Variants in CBLIF observed in about 807,000 individuals in gnomAD.
CBLIF encodes the protein gastric intrinsic factor (vitamin B synthesis).
A neutral mutation model predicts 44.9 loss-of-function variants in CBLIF; 24 were observed. The ratio of observed to expected loss-of-function variants is 0.53; its 90% CI spans 0.39 to 0.75. The LOEUF (loss-of-function observed/expected upper bound fraction) is 0.75. CBLIF is among the 30% of genes least tolerant of loss of function. CBLIF has a pLI of 0.00. For missense variants in CBLIF, 481 were observed against 513.0 expected (o/e 0.94, Z 0.60); for synonymous variants, 183 against 190.9 (o/e 0.96, Z 0.34).
At position 59,829,527 on chromosome 11, in the gene CBLIF, G is replaced by C. The variant is rs1460997213; in HGVS notation, c.1211C>G (p.Pro404Arg). Residue 404 changes from proline to arginine, a missense_variant, in exon 9 of 9, where the codon CCC (proline) becomes CGC (arginine). Physicochemically the swap from Pro to Arg is moderately radical, Grantham distance 103 (BLOSUM62 -2). Coordinates refer to ENST00000257248, the MANE Select transcript of CBLIF (RefSeq NM_005142.3). ...GGCTGTGATGTGCTCGTGGTTGAAG[G>C]GTATGTAGTCAGCAACCCCTGGAAA... ...PLNEGVADYI[P>R]FNHEHITANF... 1.9e-6 allele frequency: 3 copies of C among 1,609,744 alleles called. No individual in the cohort carries two copies. Among genetic ancestry groups the C allele is most frequent in the Non-Finnish European group, 8.5e-7 (1 of 1,176,174 alleles).
Position 59,837,178 on chromosome 11 carries a change from A to T in CBLIF, c.867T>A (p.Ser289Arg), listed in dbSNP as rs1866466555. 1 of 1,611,948 alleles carries T rather than the reference A, an allele frequency of 6.2e-7. No homozygotes were observed. The highest frequency in any genetic ancestry group is 8.5e-7 in the Non-Finnish European group (1 of 1,178,112). ...TYLDVPQVTCSPDHEVQPTLP... is the reference protein window; with the variant it reads ...TYLDVPQVTCRPDHEVQPTLP... ...AAGGAGAGGTGGATGTCTTACCAGG[A>T]CTACAAGTGACCTGGGGCACATCTA... Residue 289 changes from serine to arginine, a missense_variant, in exon 6 of 9, where the codon AGT becomes AGA. Physicochemically the swap from Ser to Arg is moderately radical, Grantham distance 110. Coordinates refer to ENST00000257248, the MANE Select transcript of CBLIF (RefSeq NM_005142.3).
At chr11:59,832,368 A>G (rs1383371493) in intron 7 of CBLIF, among the ~76,000 whole-genome samples, 1 of 152,172 alleles carries the variant, frequency 6.6e-6, no homozygotes, top group African/African-American at 2.4e-5. Flanking sequence ...AGAAATAACT[A>G]ATGGGTAGTA....
chr11:59,829,915 A>C (rs1866347336), intron 8 of CBLIF, among the ~76,000 whole-genome samples: 2 of 152,236 alleles, frequency 1.3e-5, no homozygotes, highest in African/African-American at 2.4e-5. Flanking sequence ...ATAATTGTGC[A>C]ATAAGTGGTG....
rs2135096864 is a variant in CBLIF at position 59,843,928 on chromosome 11, C to T, written c.207G>A (p.Leu69=). 6.2e-7 allele frequency: 1 copy of T among 1,613,792 alleles called. No individual in the cohort carries two copies. Among genetic ancestry groups the T allele is most frequent in the Non-Finnish European group, 8.5e-7 (1 of 1,179,798 alleles). Residue 69 remains leucine (L), a synonymous_variant, in exon 2 of 9, where the codon TTG becomes TTA. Coordinates refer to ENST00000257248, the MANE Select transcript of CBLIF (RefSeq NM_005142.3). ...IAMNLAGAYN[L]KAQKLLTYQL... is the part of the protein sequence containing the mutation. ...GGTAAGTCAGGAGCTTCTGGGCCTT[C>T]AAGTTGTAGGCTCCGGCCAGATTCA...
At chr11:59,838,125 G>A (rs1303127820) in intron 5 of CBLIF, among the ~76,000 whole-genome samples, 1 of 152,024 alleles carries the variant, frequency 6.6e-6, no homozygotes, top group Non-Finnish European at 1.5e-5. Flanking sequence ...ACCTAATTCA[G>A]CCCTAGACTT....
At position 59,835,937 on chromosome 11, in the gene CBLIF, A is replaced by G. The variant is rs368702814; in HGVS notation, c.944T>C (p.Ile315Thr). Residue 315 changes from isoleucine (I) to threonine (T), a missense_variant, in exon 7 of 9, where the codon ATA (isoleucine) becomes ACA (threonine). Coordinates refer to ENST00000257248, the MANE Select transcript of CBLIF (RefSeq NM_005142.3). ...GPTSASNITV[I>T]YTINNQLRGV... is the part of the protein sequence containing the mutation. ...CCTCAGCTGGTTATTTATGGTGTAT[A>G]TGACAGTGATGTTAGATGCAGAGGT... 52 of 1,613,984 alleles carry G rather than the reference A, an allele frequency of 3.2e-5. No homozygotes were observed. Among genetic ancestry groups the G allele is most frequent in the Non-Finnish European group, 7.6e-6 (9 of 1,179,956 alleles).
chr11:59,843,207 T>C, intron 2 of CBLIF, 66 bp from the exon 3 acceptor site: 1 of 914,296 alleles, frequency 1.1e-6, no homozygotes, highest in South Asian at 1.3e-5. Flanking sequence ...CAGGAGCCAG[T>C]GATGAGTTCT....
chr11:59,831,573 T>G, intron 8 of CBLIF, 105 bp downstream of exon 8: 2 of 701,858 alleles, frequency 2.8e-6, no homozygotes, highest in South Asian at 3.1e-5. Context: ...CATGATCTCA[T>G]AATTATTAAT....
chr11:59,841,009 G>A, intron 5 of CBLIF, 134 bp downstream of exon 5: 1 of 766,000 alleles, frequency 1.3e-6, no homozygotes, highest in Non-Finnish European at 2.4e-6. Flanking sequence ...CTGAGGCCCA[G>A]GCACCACAAA....
At chr11:59,833,017 A>G (rs1866391428) in intron 7 of CBLIF, among the ~76,000 whole-genome samples, 1 of 152,246 alleles carries the variant, frequency 6.6e-6, no homozygotes, top group African/African-American at 2.4e-5. Flanking sequence ...TAATATGCAT[A>G]GAAAAAAACC....
chr11:59,833,375 G>A (rs1014785787), intron 7 of CBLIF, among the ~76,000 whole-genome samples: 9 of 152,028 alleles, frequency 5.9e-5, no homozygotes, highest in Non-Finnish European at 1.2e-4. Flanking sequence ...AAATTAGCAG[G>A]GCATCGTGGC....
In CBLIF at chr11:59,845,241, A is replaced by G. The variant is rs766575023; in HGVS notation, c.79+134T>C. The stretch of plus-strand genomic sequence containing the variant: ...TTAAGTCAGGAAGGATGAACAGCAC[A>G]CAATCACACTCAGACTTACCCATTT... On this transcript the variant is annotated intron_variant, in intron 1 of 8. Transcript: ENST00000257248. 15 of 1,283,002 alleles carry G rather than the reference A, an allele frequency of 1.2e-5. No individual in the cohort carries two copies. In the South Asian group the frequency reaches 1.8e-4, roughly 16 times the overall value. The allele number at this position is 1,283,002 out of a possible 1,614,324, so 79.5% of individuals were successfully genotyped here. A position where few individuals can be genotyped will look rare whatever the true frequency, so the allele number is the denominator to read the frequency against.
intron 8 of CBLIF, among the ~76,000 whole-genome samples, chr11:59,830,719 A>G (rs1866362980): frequency 6.6e-6 from 1 of 152,190 alleles, no homozygotes; most frequent in African/African-American, 2.4e-5. Context: ...TAAGTATATT[A>G]TTTCCAATCC....
intron 8 of CBLIF, among the ~76,000 whole-genome samples, chr11:59,830,067 T>A (rs1485751848): frequency 1.3e-5 from 2 of 152,088 alleles, no homozygotes; most frequent in Non-Finnish European, 2.9e-5. Context: ...AGATAGATGA[T>A]GGCAATATCT....
chr11:59,837,121 C>G lies in CBLIF; in HGVS notation c.871+53G>C, dbSNP rs1866466015. 1.8e-5 allele frequency: 25 copies of G among 1,354,868 alleles called. No individual in the cohort carries two copies. In the East Asian group the frequency reaches 5.5e-4, roughly 30 times the overall value. The allele number at this position is 1,354,868 out of a possible 1,614,324, so 83.9% of individuals were successfully genotyped here. A position where few individuals can be genotyped will look rare whatever the true frequency, so the allele number is the denominator to read the frequency against. On this transcript the variant is annotated intron_variant, in intron 6 of 8. Coordinates refer to ENST00000257248, the MANE Select transcript of CBLIF (RefSeq NM_005142.3). ...TGCCACTTAACATTGATCCACATGT[C>G]ATTTCTGGCATAAGTTGCTGCTTTA...
intron 5 of CBLIF, 186 bp downstream of exon 5, chr11:59,840,957 A>G: frequency 1.6e-6 from 1 of 627,784 alleles, no homozygotes; most frequent in East Asian, 2.8e-5. Flanking sequence ...CATAGGAGGT[A>G]GGGAGGAATT....
chr11:59,837,061 G>T, intron 6 of CBLIF, 113 bp downstream of exon 6: 2 of 843,164 alleles, frequency 2.4e-6, no homozygotes, highest in Non-Finnish European at 4.1e-6. Context: ...GATGTACTCT[G>T]CCCACATGGG....
rs1181186603 is a variant in CBLIF, at chr11:59,845,385, C to A, written c.69G>T (p.Gln23His). ...WATAGTSTQT[Q>H]SSCSVPSAQE... is the part of the protein sequence containing the mutation. ...AAACATCATACTCACAGCATGAACT[C>A]TGGGTCTGGGTACTAGTCCCAGCTG... Residue 23 changes from glutamine (Q) to histidine (H), a missense_variant, in exon 1 of 9, where the codon CAG becomes CAT. Gln to His is a conservative substitution (Grantham distance 24). Transcript: ENST00000257248. 3.7e-6 allele frequency: 6 copies of A among 1,611,874 alleles called. No individual in the cohort carries two copies. The highest frequency in any genetic ancestry group is 5.1e-6 in the Non-Finnish European group (6 of 1,178,136).
chr11:59,831,718 T>G lies in CBLIF; in HGVS notation c.1152A>C (p.Thr384=), dbSNP rs1866376808. The stretch of plus-strand genomic sequence containing the variant: ...TTACACCACTAAGAAACTGCCAGTA[T>G]GTCTTGTGATTAACATTTTCCGCGA... ...NNIAENVNHK[T]YWQFLSGVTP... Residue 384 remains threonine, a synonymous_variant, in exon 8 of 9, where the codon ACA becomes ACC. Coordinates refer to ENST00000257248, the MANE Select transcript of CBLIF (RefSeq NM_005142.3). The G allele has an allele frequency of 6.3e-7, 1 of 1,597,542 alleles. No individual in the cohort carries two copies. The highest frequency in any genetic ancestry group is 8.6e-7 in the Non-Finnish European group (1 of 1,165,000).
Sources: allele counts gnomAD v4.1 joint callset (sites outside exome capture counted in the v4.1 genomes callset), GRCh38; gene constraint gnomAD v4.1.1; transcripts MANE v1.5; gene names NCBI Gene and HGNC (gene_info 2026-07-23, HGNC 2026-07-21).